C1QTNF7: variants seen among roughly 807,000 people sequenced by gnomAD.
C1QTNF7 encodes the protein complement C1q tumor necrosis factor-related protein 7.
Under a neutral mutation model 19.6 loss-of-function variants are expected in C1QTNF7, and 15 were observed. The ratio of observed to expected loss-of-function variants is 0.76; its 90% CI spans 0.51 to 1.18. C1QTNF7 has a LOEUF of 1.18. Ranked by LOEUF, C1QTNF7 falls within the 50% of genes most tolerant of loss-of-function variation. The pLI is 0.00. For synonymous variants in C1QTNF7, 142 were observed against 137.5 expected, an observed-to-expected ratio of 1.03 and a Z score of -0.23; for missense variants, 324 against 359.7, an observed-to-expected ratio of 0.90 and a Z score of 0.80.
intron 1 of C1QTNF7, among the ~76,000 whole-genome samples, chr4:15,358,872 A>C (rs982813375): frequency 6.6e-6 from 1 of 152,194 alleles, no homozygotes; most frequent in Non-Finnish European, 1.5e-5. Flanking sequence ...GTCTGACCCT[A>C]GATCTAGGAG....
At chr4:15,411,148 A>G (rs1719389808) in intron 1 of C1QTNF7, among the ~76,000 whole-genome samples, 1 of 152,220 alleles carries the variant, frequency 6.6e-6, no homozygotes, top group South Asian at 2.1e-4. Flanking sequence ...AACCATTTAC[A>G]TTTATTGAGC....
upstream of C1QTNF7, among the ~76,000 whole-genome samples, chr4:15,427,190 CAT>C (rs1375123324): frequency 3.3e-5 from 5 of 152,146 alleles, no homozygotes; most frequent in Non-Finnish European, 7.3e-5. Context: ...ACTCTGGAAA[CAT>C]TCCTTTCAAT....
chr4:15,428,581 T>C (rs1362748010), intron 1 of C1QTNF7, among the ~76,000 whole-genome samples: 2 of 152,086 alleles, frequency 1.3e-5, no homozygotes, highest in Non-Finnish European at 2.9e-5. Flanking sequence ...CACAGTGCAA[T>C]TGTGTGGCCT....
intron 2 of C1QTNF7, among the ~76,000 whole-genome samples, chr4:15,438,344 G>C (rs1712620231): frequency 6.6e-6 from 1 of 152,190 alleles, no homozygotes; most frequent in African/African-American, 2.4e-5. Flanking sequence ...CAGCCTGGGA[G>C]ATTTGGGGAT....
chr4:15,428,475 A>T (rs955025142), intron 1 of C1QTNF7, among the ~76,000 whole-genome samples: 9 of 150,794 alleles, frequency 6.0e-5, no homozygotes, highest in Non-Finnish European at 1.3e-4. Context: ...ATATTGATGA[A>T]TTTTTTTTTC....
In C1QTNF7 at chr4:15,415,461, T is replaced by C. The variant is rs1719567850; in HGVS notation, c.14-20275T>C. ...TTTTATGTAGCATTTATTGACTTGT[T>C]TCTAAGACCAAAGGAATATGCTTAT... On this transcript the variant is annotated intron_variant, in intron 1 of 2. Coordinates refer to the C1QTNF7 transcript ENST00000295297. Among the ~76,000 whole-genome samples the C allele has an allele frequency of 3.3e-5, 5 of 152,338 alleles. No homozygotes were observed. In the South Asian group the frequency reaches 1.0e-3, roughly 32 times the overall value.
At chr4:15,355,588 C>CAA (rs966168522) in intron 1 of C1QTNF7, among the ~76,000 whole-genome samples, 12 of 144,838 alleles carry the variant, frequency 8.3e-5, no homozygotes, top group Admixed American at 2.0e-4. Context: ...CTTTTCTCAT[C>CAA]AAAAAAAAAA....
At position 15,442,533 on chromosome 4, in the gene C1QTNF7, G is replaced by T; in HGVS notation, c.604G>T (p.Ala202Ser). 1 of 1,614,152 alleles carries T rather than the reference G, an allele frequency of 6.2e-7. No individual in the cohort carries two copies. Among genetic ancestry groups the T allele is most frequent in the East Asian group, 2.2e-5 (1 of 44,886 alleles). The change falls in exon 3 of 3, where the codon GCT becomes TCT. Residue 202 changes from alanine (A) to serine (S), a missense_variant. Transcript: ENST00000444304. ...TTACTTTTCTTATGATATCACATTG[G>T]CTAATAAGCATCTGGCAATCGGACT... is the stretch of plus-strand genomic sequence containing the variant. ...IYYFSYDITLANKHLAIGLVH... is the reference protein window; with the variant it reads ...IYYFSYDITLSNKHLAIGLVH...
chr4:15,345,514 G>T (rs561809508), intron 1 of C1QTNF7, among the ~76,000 whole-genome samples: 184 of 152,248 alleles, frequency 1.2e-3, no homozygotes, highest in African/African-American at 4.2e-3. Flanking sequence ...ATACTCTTGG[G>T]CTTGGAATTT....
chr4:15,438,185 A>G (rs1712612045), intron 2 of C1QTNF7, among the ~76,000 whole-genome samples: 1 of 152,272 alleles, frequency 6.6e-6, no homozygotes, highest in Admixed American at 6.5e-5. Context: ...TTGAGATTCA[A>G]AAACCATCAA....
chr4:15,445,223 G>A lies in C1QTNF7; in HGVS notation c.*2424G>A, dbSNP rs535401902. 1.3e-5 allele frequency: 2 copies of A among 152,200 alleles called. No individual in the cohort carries two copies. The highest frequency in any genetic ancestry group is 2.9e-5 in the Non-Finnish European group (2 of 68,038). 9.4% of individuals were successfully genotyped at this position (152,200 alleles called of 1,614,324 possible). On this transcript the variant is annotated 3_prime_UTR_variant, in exon 3 of 3. Coordinates refer to ENST00000444304, the MANE Select transcript of C1QTNF7 (RefSeq NM_031911.5). ...GGTTTGAGGTAGTCACCTGCTTACAGATAACAGCCAAAGATAGAATTCCAA... is the reference window on the plus strand; with the variant it reads ...GGTTTGAGGTAGTCACCTGCTTACAAATAACAGCCAAAGATAGAATTCCAA...
At chr4:15,418,597 C>G (rs959081284) in intron 1 of C1QTNF7, among the ~76,000 whole-genome samples, 30 of 152,314 alleles carry the variant, frequency 2.0e-4, no homozygotes, top group African/African-American at 7.0e-4. Flanking sequence ...ATCTCCCAAA[C>G]CACAGTAGGC....
chr4:15,352,088 G>A (rs1400101332), intron 1 of C1QTNF7, among the ~76,000 whole-genome samples: 1 of 152,158 alleles, frequency 6.6e-6, no homozygotes, highest in Non-Finnish European at 1.5e-5. Flanking sequence ...CCTCTACCCA[G>A]TAGATTTCAT....
chr4:15,347,739 C>T (rs1234327049), intron 1 of C1QTNF7, among the ~76,000 whole-genome samples: 4 of 152,208 alleles, frequency 2.6e-5, no homozygotes, highest in African/African-American at 9.7e-5. Context: ...TATTGCCTGA[C>T]AGCCCAGAGT....
chr4:15,439,474 A>G (rs1268643540), intron 2 of C1QTNF7, among the ~76,000 whole-genome samples: 1 of 152,220 alleles, frequency 6.6e-6, no homozygotes, highest in Admixed American at 6.5e-5. Flanking sequence ...CTTAAAATTC[A>G]CCTAACTAAT....
At chr4:15,377,855 G>T (rs142640211) in intron 1 of C1QTNF7, among the ~76,000 whole-genome samples, 1 of 152,020 alleles carries the variant, frequency 6.6e-6, no homozygotes, top group Non-Finnish European at 1.5e-5. Context: ...ACTTAGCACC[G>T]CAACTAGCAT....
At chr4:15,438,909 G>A (rs1043142893) in intron 2 of C1QTNF7, among the ~76,000 whole-genome samples, 1 of 152,216 alleles carries the variant, frequency 6.6e-6, no homozygotes, top group Non-Finnish European at 1.5e-5. Flanking sequence ...ATGGACGCAT[G>A]TATGTATGCA....
intron 1 of C1QTNF7, among the ~76,000 whole-genome samples, chr4:15,422,473 T>A (rs1233730582): frequency 1.3e-5 from 2 of 152,232 alleles, no homozygotes; most frequent in Non-Finnish European, 2.9e-5. Context: ...TCATCTAATA[T>A]CTACCCTAAC....
chr4:15,367,548 A>G (rs1717572137), intron 1 of C1QTNF7, among the ~76,000 whole-genome samples: 2 of 152,206 alleles, frequency 1.3e-5, no homozygotes, highest in East Asian at 3.9e-4. Flanking sequence ...ATGTGTATCA[A>G]TGTCAGAGGG....
Sources: gnomAD v4.1 joint callset for allele counts (sites outside exome capture counted in the v4.1 genomes callset) on GRCh38, gnomAD v4.1.1 for gene constraint, MANE v1.5 for transcripts, NCBI Gene and HGNC (gene_info 2026-07-23, HGNC 2026-07-21) for gene names.